CDH7: variants seen among roughly 807,000 people sequenced by gnomAD.
CDH7 encodes the protein cadherin 7.
Under a neutral mutation model 71.8 loss-of-function variants are expected in CDH7, and 25 were observed. That is an observed-to-expected ratio of 0.35 (90% CI 0.25 to 0.49). The LOEUF is 0.49. CDH7 is among the 20% of genes least tolerant of loss of function. The probability of loss-of-function intolerance (pLI) is 0.99; values close to 1 mark genes in which losing one functional copy is unlikely to be tolerated. For missense variants in CDH7, 862 were observed against 974.6 expected, an observed-to-expected ratio of 0.88 and a Z score of 1.54; for synonymous variants, 381 against 363.8, an observed-to-expected ratio of 1.05 and a Z score of -0.54.
At chr18:65,874,746 T>G (rs1599068066) in intron 11 of CDH7, among the ~76,000 whole-genome samples, 1 of 151,822 alleles carries the variant, frequency 6.6e-6, no homozygotes, top group Middle Eastern at 3.5e-3. Flanking sequence ...TATATATTTA[T>G]AATTTCATAC....
At chr18:65,841,797 A>T (rs2143985338) in intron 6 of CDH7, among the ~76,000 whole-genome samples, 1 of 152,224 alleles carries the variant, frequency 6.6e-6, no homozygotes, top group Non-Finnish European at 1.5e-5. Flanking sequence ...ATCCATTGGA[A>T]GGGGCCACAC....
intron 2 of CDH7, among the ~76,000 whole-genome samples, chr18:65,768,700 T>G (rs909154412): frequency 3.3e-5 from 5 of 152,094 alleles, no homozygotes; most frequent in Non-Finnish European, 5.9e-5. Flanking sequence ...AACGACAGAA[T>G]TAGATAAGCA....
chr18:65,782,432 A>G (rs925299517), intron 2 of CDH7, among the ~76,000 whole-genome samples: 2 of 152,234 alleles, frequency 1.3e-5, no homozygotes, highest in African/African-American at 4.8e-5. Context: ...TGCTGGGATT[A>G]CAGGCATGAG....
At chr18:65,853,536 G>C (rs1304025180) in intron 7 of CDH7, among the ~76,000 whole-genome samples, 1 of 151,136 alleles carries the variant, frequency 6.6e-6, no homozygotes, top group Admixed American at 6.6e-5. Flanking sequence ...TACAACAACT[G>C]AAGTTTTTTT....
intron 7 of CDH7, among the ~76,000 whole-genome samples, chr18:65,853,081 G>A (rs889377487): frequency 3.3e-5 from 5 of 152,172 alleles, no homozygotes; most frequent in Admixed American, 3.3e-4. Context: ...CTTAACTGCT[G>A]TTGCTGCAAA....
chr18:65,759,207 A>G (rs189495956), intron 1 of CDH7, among the ~76,000 whole-genome samples: 189 of 151,926 alleles, frequency 1.2e-3, no homozygotes, highest in African/African-American at 4.2e-3. Context: ...TTACATTCCT[A>G]TAACTTCCTT....
chr18:65,776,857 TG>T (rs1909966701), intron 2 of CDH7, among the ~76,000 whole-genome samples: 3 of 152,332 alleles, frequency 2.0e-5, no homozygotes, highest in Admixed American at 2.0e-4. Context: ...ATTTTTAGAA[TG>T]GTGAAATTCT....
intron 11 of CDH7, among the ~76,000 whole-genome samples, chr18:65,874,732 T>C (rs1294185974): frequency 6.6e-6 from 1 of 151,626 alleles, no homozygotes. Context: ...CATATATAAA[T>C]GTATATATAT....
chr18:65,852,093 A>G (rs1203842180), intron 7 of CDH7, among the ~76,000 whole-genome samples: 1 of 152,158 alleles, frequency 6.6e-6, no homozygotes, highest in African/African-American at 2.4e-5. Flanking sequence ...TGTGTGGTAT[A>G]TTTGTTCACC....
chr18:65,769,561 T>G (rs1332006953), intron 2 of CDH7, among the ~76,000 whole-genome samples: 1 of 152,194 alleles, frequency 6.6e-6, no homozygotes. Context: ...ACAATACTAT[T>G]TACTGATTAA....
intron 2 of CDH7, among the ~76,000 whole-genome samples, chr18:65,800,660 AGAT>A (rs1344086258): frequency 1.3e-5 from 2 of 152,244 alleles, no homozygotes; most frequent in East Asian, 3.8e-4. Flanking sequence ...TAGTAGGAGA[AGAT>A]GAATAAACTA....
intron 9 of CDH7, 84 bp downstream of exon 9, chr18:65,859,130 C>T: frequency 7.7e-7 from 1 of 1,296,580 alleles, no homozygotes; most frequent in South Asian, 1.3e-5. Context: ...ATTCTTCCAG[C>T]TTTAAGATAA....
chr18:65,791,168 T>C (rs952281625), intron 2 of CDH7, among the ~76,000 whole-genome samples: 1 of 152,232 alleles, frequency 6.6e-6, no homozygotes, highest in Non-Finnish European at 1.5e-5. Flanking sequence ...TTTTAGTCTT[T>C]GGTTAGCATC....
chr18:65,871,362 A>C (rs926487822), intron 11 of CDH7, among the ~76,000 whole-genome samples: 1 of 152,158 alleles, frequency 6.6e-6, no homozygotes, highest in African/African-American at 2.4e-5. Context: ...TTATTTTCAT[A>C]TTGGAGAGCA....
At chr18:65,761,574 C>T (rs531536466) in intron 1 of CDH7, among the ~76,000 whole-genome samples, 1 of 149,120 alleles carries the variant, frequency 6.7e-6, no homozygotes, top group African/African-American at 2.5e-5. Flanking sequence ...AATGATACTT[C>T]TTTGCCTTAA....
chr18:65,857,680 C>T (rs1424567724), intron 7 of CDH7, 136 bp from the exon 8 acceptor site: 6 of 788,164 alleles, frequency 7.6e-6, no homozygotes, highest in Non-Finnish European at 1.2e-5. Context: ...ACCAGGCATG[C>T]ATTTATGTGA....
chr18:65,814,411 G>A (rs770301946), intron 3 of CDH7, 74 bp from the exon 4 acceptor site: 47 of 1,519,926 alleles, frequency 3.1e-5, no homozygotes, highest in Middle Eastern at 1.7e-4. Context: ...TGTGGAATCA[G>A]TAACATTTTG....
chr18:65,760,408 ATTCCAAAAGCTCAT>A (rs1413069179), intron 1 of CDH7, among the ~76,000 whole-genome samples: 16 of 152,302 alleles, frequency 1.1e-4, no homozygotes, highest in Middle Eastern at 3.4e-3. Flanking sequence ...CAAGTATTGA[ATTCCAAAAGCTCAT>A]TTGCTATTTA....
At chr18:65,806,001 G>A (rs143529321) in intron 2 of CDH7, among the ~76,000 whole-genome samples, 4 of 152,208 alleles carry the variant, frequency 2.6e-5, no homozygotes, top group Non-Finnish European at 4.4e-5. Flanking sequence ...AATGAAAAAG[G>A]GCTCAGATAC....
Sources: allele counts gnomAD v4.1 joint callset (sites outside exome capture counted in the v4.1 genomes callset), GRCh38; gene constraint gnomAD v4.1.1; transcripts MANE v1.5; gene names NCBI Gene and HGNC (gene_info 2026-07-23, HGNC 2026-07-21).